The following ABCA4 variants were observed in gnomAD, a reference collection of about 807,000 sequenced individuals.
ABCA4 encodes retinal-specific phospholipid-transporting ATPase ABCA4.
A neutral mutation model predicts 263.7 loss-of-function variants in ABCA4; 196 were observed. That is an observed-to-expected ratio of 0.74 (90% CI 0.66 to 0.84). The LOEUF is 0.84. ABCA4 is among the 40% of genes least tolerant of loss of function. The probability of loss-of-function intolerance (pLI) is 0.00; values close to 1 mark genes in which losing one functional copy is unlikely to be tolerated. For synonymous variants in ABCA4, 1,133 were observed against 1,094.2 expected, an observed-to-expected ratio of 1.04 and a Z score of -0.70; for missense variants, 2,792 against 2,855.1, an observed-to-expected ratio of 0.98 and a Z score of 0.50.
chr1:94,078,858 A>G (rs1661609411), intron 9 of ABCA4, 152 bp from the exon 10 acceptor site: 2 of 716,478 alleles, frequency 2.8e-6, no homozygotes, highest in Admixed American at 2.0e-5. Flanking sequence ...GCTATTTCCC[A>G]GAACAATTCA....
intron 44 of ABCA4, 93 bp downstream of exon 44, chr1:94,005,348 G>C (rs566955539): frequency 2.0e-6 from 3 of 1,484,634 alleles, no homozygotes; most frequent in Admixed American, 3.4e-5. Flanking sequence ...TGAATAGCAC[G>C]CTTCAGTTTC....
chr1:94,062,472 C>G (rs1661152935), intron 13 of ABCA4, 105 bp downstream of exon 13: 2 of 1,419,696 alleles, frequency 1.4e-6, no homozygotes, highest in Admixed American at 3.7e-5. Flanking sequence ...CCCTGGGGCT[C>G]TCTCTAAAGA....
At chr1:94,039,765 G>A (rs985671552) in intron 24 of ABCA4, among the ~76,000 whole-genome samples, 3 of 152,230 alleles carry the variant, frequency 2.0e-5, no homozygotes, top group Non-Finnish European at 4.4e-5. Flanking sequence ...CCAGGGCAGG[G>A]GGACCCCAGG....
chr1:94,036,149 A>G (rs1276812446), intron 26 of ABCA4, among the ~76,000 whole-genome samples: 1 of 151,984 alleles, frequency 6.6e-6, no homozygotes, highest in Non-Finnish European at 1.5e-5. Context: ...GGATGATGAC[A>G]TGGCAGGCCG....
At chr1:94,015,205 C>T (rs145729231) in intron 37 of ABCA4, among the ~76,000 whole-genome samples, 26 of 152,240 alleles carry the variant, frequency 1.7e-4, no homozygotes, top group African/African-American at 5.1e-4. Flanking sequence ...AAACTGAGGC[C>T]GAGATGGATG....
intron 6 of ABCA4, among the ~76,000 whole-genome samples, chr1:94,084,940 GC>G (rs1214757802): frequency 6.6e-6 from 1 of 152,180 alleles, no homozygotes; most frequent in Non-Finnish European, 1.5e-5. Flanking sequence ...CCCAAGTCCT[GC>G]CCGTCCTCCC....
At chr1:94,039,115 C>A (rs2101045825) in intron 24 of ABCA4, among the ~76,000 whole-genome samples, 1 of 152,174 alleles carries the variant, frequency 6.6e-6, no homozygotes, top group South Asian at 2.1e-4. Flanking sequence ...AGATAGGTAC[C>A]CACAGCAAGG....
Position 94,030,457 on chromosome 1 carries a change from G to A in ABCA4, c.4323C>T (p.Gly1441=), listed in dbSNP as rs763019015. ...GCCACCCTTCCTTCAGGCAGCGGTT[G>A]CCAAAGCCTGGCTTATTCAGGAGGA... ...ADVLLNKPGF[G]NRCLKEGWLP... Residue 1441 remains glycine, a synonymous_variant, in exon 29 of 50, where the codon GGC becomes GGT. Transcript: ENST00000370225. 2.5e-6 allele frequency: 4 copies of A among 1,614,088 alleles called. No individual in the cohort carries two copies. Among genetic ancestry groups the A allele is most frequent in the Non-Finnish European group, 3.4e-6 (4 of 1,180,036 alleles).
At chr1:93,995,147 AAGACAAAGTCAGTTTTGCCAAGT>A (rs1658964933) in intron 49 of ABCA4, among the ~76,000 whole-genome samples, 1 of 152,228 alleles carries the variant, frequency 6.6e-6, no homozygotes, top group Non-Finnish European at 1.5e-5. Flanking sequence ...AAGGGGTGGG[AAGACAAAGTCAGTTTTGCCAAGT>A]AGCCATTAGG....
chr1:94,030,380 C>T, intron 29 of ABCA4, 48 bp downstream of exon 29: 3 of 1,576,096 alleles, frequency 1.9e-6, no homozygotes, highest in Non-Finnish European at 2.6e-6. Context: ...CCGTTGGGTC[C>T]TCCCAGGGGA....
chr1:94,042,081 A>C (rs1170340666), intron 22 of ABCA4, among the ~76,000 whole-genome samples: 3 of 140,858 alleles, frequency 2.1e-5, no homozygotes, highest in Non-Finnish European at 3.1e-5. Flanking sequence ...CCTGCGCGAC[A>C]GAGCGAGATT....
intron 32 of ABCA4, among the ~76,000 whole-genome samples, chr1:94,022,946 G>A (rs970110367): frequency 3.3e-5 from 5 of 152,146 alleles, no homozygotes; most frequent in African/African-American, 1.2e-4. Context: ...ACTTGGTGAG[G>A]TTCTAAACCT....
intron 14 of ABCA4, 95 bp downstream of exon 14, chr1:94,060,442 G>C: frequency 8.5e-7 from 1 of 1,173,016 alleles, no homozygotes; most frequent in Non-Finnish European, 1.3e-6. Flanking sequence ...CGCTCTCCTT[G>C]GTGGCCACAT....
chr1:94,057,015 C>T (rs775190264), intron 14 of ABCA4, among the ~76,000 whole-genome samples, 193 bp from the exon 15 acceptor site: 1 of 152,188 alleles, frequency 6.6e-6, no homozygotes, highest in African/African-American at 2.4e-5. Flanking sequence ...TCCTAACAGT[C>T]ATCAGTAATG....
chr1:94,043,231 C>A, intron 21 of ABCA4, 105 bp downstream of exon 21: 1 of 1,525,974 alleles, frequency 6.6e-7, no homozygotes, highest in South Asian at 1.2e-5. Context: ...AGAGGTGTTC[C>A]CACCCTTAGA....
chr1:94,111,729 G>T, intron 2 of ABCA4, 150 bp from the exon 3 acceptor site: 1 of 977,816 alleles, frequency 1.0e-6, no homozygotes, highest in Non-Finnish European at 1.6e-6. Context: ...CATCTCATGT[G>T]TGCCAGTCCC....
chr1:93,998,834 G>T (rs894575498), intron 47 of ABCA4, among the ~76,000 whole-genome samples: 5 of 151,554 alleles, frequency 3.3e-5, no homozygotes, highest in Admixed American at 2.6e-4. Context: ...CGCCTCCTGG[G>T]TTCAAGCAAT....
chr1:94,027,947 G>C (rs947369330), intron 30 of ABCA4, among the ~76,000 whole-genome samples: 1 of 152,176 alleles, frequency 6.6e-6, no homozygotes, highest in African/African-American at 2.4e-5. Context: ...CACCACCCAC[G>C]TAGACTTTTA....
At chr1:94,079,975 C>T (rs1348749874) in intron 8 of ABCA4, among the ~76,000 whole-genome samples, 1 of 135,994 alleles carries the variant, frequency 7.4e-6, no homozygotes, top group Non-Finnish European at 1.6e-5. Flanking sequence ...CCCCATCCTC[C>T]TTTACCCCAT....
Sources: gnomAD v4.1 joint callset for allele counts (sites outside exome capture counted in the v4.1 genomes callset) on GRCh38, gnomAD v4.1.1 for gene constraint, MANE v1.5 for transcripts, NCBI Gene and HGNC (gene_info 2026-07-23, HGNC 2026-07-21) for gene names.